The following PIK3C2G variants were observed in gnomAD, a reference collection of about 807,000 sequenced individuals.
PIK3C2G encodes phosphatidylinositol 3-kinase C2 domain-containing subunit gamma.
Under a neutral mutation model 181.1 loss-of-function variants are expected in PIK3C2G, and 168 were observed. The observed-to-expected ratio is 0.93, with a 90% confidence interval of 0.82 to 1.05. PIK3C2G has a LOEUF of 1.05. PIK3C2G is among the 50% of genes least tolerant of loss of function. The pLI is 0.00. For synonymous variants in PIK3C2G, 573 were observed against 592.2 expected (o/e 0.97, Z 0.47); for missense variants, 1,869 against 1,732.8 (o/e 1.08, Z -1.40).
At chr12:18,642,041 G>A (rs1049155270) in intron 32 of PIK3C2G, among the ~76,000 whole-genome samples, 2 of 152,112 alleles carry the variant, frequency 1.3e-5, no homozygotes, top group African/African-American at 4.8e-5. Context: ...GAGCCACCAT[G>A]CCCGGCCTCT....
chr12:18,640,423 T>G lies in PIK3C2G; in HGVS notation c.4183-6T>G. On this transcript the variant is annotated splice_region_variant and splice_polypyrimidine_tract_variant and intron_variant, in intron 31 of 32. Coordinates refer to ENST00000538779, the MANE Select transcript of PIK3C2G (RefSeq NM_001288772.2). Reference sequence around the variant, plus strand: ...CATTAATATTTATAACCATTTTCCTTTGCAGCATCTCCCAGATGGCTCTGC... The same window carrying G: ...CATTAATATTTATAACCATTTTCCTGTGCAGCATCTCCCAGATGGCTCTGC... The G allele has an allele frequency of 6.2e-7, 1 of 1,606,812 alleles. No individual in the cohort carries two copies. The highest frequency in any genetic ancestry group is 8.5e-7 in the Non-Finnish European group (1 of 1,175,978).
intron 16 of PIK3C2G, among the ~76,000 whole-genome samples, chr12:18,415,717 G>A (rs776301327): frequency 2.0e-4 from 30 of 152,210 alleles, no homozygotes; most frequent in Non-Finnish European, 3.4e-4. Context: ...AGTTCTTGGA[G>A]GAAATTAGAA....
In PIK3C2G at chr12:18,630,182, G is replaced by A. The variant is rs77047063; in HGVS notation, c.4183-10247G>A. 3.1e-3 allele frequency among the ~76,000 whole-genome samples: 465 copies of A among 152,168 alleles called. 2 individuals are homozygous for A. Among genetic ancestry groups the A allele is most frequent in the African/African-American group, 0.011 (438 of 41,542 alleles). On this transcript the variant is annotated intron_variant, in intron 31 of 32. Coordinates refer to ENST00000538779, the MANE Select transcript of PIK3C2G (RefSeq NM_001288772.2). ...ATCCCAGGCAGATTCCTTGAGGTCA[G>A]GAATTTGACACCAGCCTGGCCAACA... is the stretch of plus-strand genomic sequence containing the variant.
chr12:18,623,709 A>AT (rs778834318), intron 31 of PIK3C2G, among the ~76,000 whole-genome samples: 10 of 151,384 alleles, frequency 6.6e-5, no homozygotes, highest in Admixed American at 2.0e-4. Context: ...TTTTCTTCAA[A>AT]TTTTTTCCAT....
chr12:18,722,518 T>C, the PIK3C2G span, among the ~76,000 whole-genome samples: 69 of 152,172 alleles, frequency 4.5e-4, no homozygotes, highest in African/African-American at 1.6e-3. Context: ...CATACGCCCC[T>C]CCTAGGTGAA....
intron 6 of PIK3C2G, chr12:18,314,621 T>G (rs1950783978): frequency 6.6e-6 from 1 of 152,276 alleles, no homozygotes; most frequent in Admixed American, 6.5e-5. Context: ...GAGAAATAAA[T>G]GTATGTTGTT....
intron 20 of PIK3C2G, among the ~76,000 whole-genome samples, chr12:18,495,425 T>TA (rs1332582191): frequency 6.6e-6 from 1 of 152,068 alleles, no homozygotes; most frequent in Non-Finnish European, 1.5e-5. Context: ...CTGCTATTTA[T>TA]AAAAAACAAG....
At chr12:18,463,849 G>A (rs537595626) in intron 18 of PIK3C2G, among the ~76,000 whole-genome samples, 4 of 152,134 alleles carry the variant, frequency 2.6e-5, no homozygotes, top group South Asian at 2.1e-4. Flanking sequence ...GTTTGTTGAC[G>A]GCCTTAGAGC....
intron 18 of PIK3C2G, among the ~76,000 whole-genome samples, chr12:18,468,630 AT>A (rs1938146405): frequency 6.6e-6 from 1 of 152,108 alleles, no homozygotes; most frequent in African/African-American, 2.4e-5. Context: ...TTCTCCCTTT[AT>A]TGACTCTAAA....
chr12:18,640,852 C>A (rs1949804719), intron 32 of PIK3C2G, among the ~76,000 whole-genome samples: 1 of 152,108 alleles, frequency 6.6e-6, no homozygotes, highest in African/African-American at 2.4e-5. Flanking sequence ...TTTTCTCTAA[C>A]CTTATTCTCC....
intron 25 of PIK3C2G, among the ~76,000 whole-genome samples, chr12:18,544,190 T>C (rs781487187): frequency 6.6e-6 from 1 of 151,754 alleles, no homozygotes; most frequent in Non-Finnish European, 1.5e-5. Flanking sequence ...GCATGATGTG[T>C]AGTAAATGAA....
chr12:18,279,742 T>C (rs908392175), intron 1 of PIK3C2G, among the ~76,000 whole-genome samples: 2 of 152,006 alleles, frequency 1.3e-5, no homozygotes, highest in African/African-American at 4.8e-5. Context: ...GAAAAGGGCA[T>C]TTCAGGTAGA....
chr12:18,370,143 T>C (rs1324962388), intron 12 of PIK3C2G, among the ~76,000 whole-genome samples: 1 of 151,524 alleles, frequency 6.6e-6, no homozygotes, highest in African/African-American at 2.4e-5. Flanking sequence ...GAATGAAAGG[T>C]AGATGTCTCC....
chr12:18,726,149 G>C, the PIK3C2G span, among the ~76,000 whole-genome samples: 1 of 151,964 alleles, frequency 6.6e-6, no homozygotes, highest in Non-Finnish European at 1.5e-5. Context: ...TTACATAAAG[G>C]AATTAAGTAT....
At position 18,411,676 on chromosome 12, in the gene PIK3C2G, C is replaced by G. The variant is rs1269045249; in HGVS notation, c.2316-9265C>G. 2.0e-5 allele frequency among the ~76,000 whole-genome samples: 3 copies of G among 152,128 alleles called. No homozygotes were observed. The East Asian group carries it at 5.8e-4, about 29-fold the overall frequency. ...ACTTCTGATGATTTTCTAATTCTAA[C>G]CTGACATTGGGGCTTTTAGCTGTGA... On this transcript the variant is annotated intron_variant, in intron 16 of 32. Coordinates refer to ENST00000538779, the MANE Select transcript of PIK3C2G (RefSeq NM_001288772.2).
At chr12:18,385,851 A>G (rs12422650) in intron 14 of PIK3C2G, among the ~76,000 whole-genome samples, 12,051 of 151,624 alleles carry the variant, frequency 0.079, 925 homozygotes, top group Admixed American at 0.24. Context: ...ATGTTTCTCT[A>G]CTTCCTCACC....
Position 18,647,025 on chromosome 12 carries a change from T to C in PIK3C2G, c.4309-851T>C, listed in dbSNP as rs191842627. ...GAAAACAAAAAGAACATCAAAATGT[T>C]AACTGTAATTGTCTCCCAATGGTGA... On this transcript the variant is annotated intron_variant, in intron 32 of 32. Transcript: ENST00000538779. Among the ~76,000 whole-genome samples, 82 of 152,308 alleles carry C rather than the reference T, an allele frequency of 5.4e-4. 1 individual carries two copies. In the East Asian group the frequency reaches 0.015, roughly 27 times the overall value.
At chr12:18,398,319 T>A (rs1944018326) in intron 15 of PIK3C2G, among the ~76,000 whole-genome samples, 1 of 152,162 alleles carries the variant, frequency 6.6e-6, no homozygotes, top group Admixed American at 6.5e-5. Flanking sequence ...TTTTAGTAAT[T>A]TTACTATGGA....
At chr12:18,532,971 A>G (rs2136222965) in intron 24 of PIK3C2G, among the ~76,000 whole-genome samples, 1 of 146,240 alleles carries the variant, frequency 6.8e-6, no homozygotes, top group Admixed American at 7.0e-5. Flanking sequence ...CATGTATTTC[A>G]TGCCTAGAAT....
Sources: gnomAD v4.1 joint callset for allele counts (sites outside exome capture counted in the v4.1 genomes callset) on GRCh38, gnomAD v4.1.1 for gene constraint, MANE v1.5 for transcripts, NCBI Gene and HGNC (gene_info 2026-07-23, HGNC 2026-07-21) for gene names.